Variants in KDM6A observed in about 807,000 individuals in gnomAD.
KDM6A encodes lysine demethylase 6A.
In KDM6A, 11 loss-of-function variants were observed where a neutral mutation model predicts 117.6. The observed-to-expected ratio is 0.09, with a 90% confidence interval of 0.06 to 0.15. The LOEUF (loss-of-function observed/expected upper bound fraction) is 0.15, where lower values mean the gene tolerates loss of function less well. Among genes scored for constraint, KDM6A ranks in the 10% least tolerant of loss-of-function variants. The pLI is 1.00. For missense variants in KDM6A, 799 were observed against 1,077.3 expected (o/e 0.74, Z 3.62); for synonymous variants, 384 against 396.1 (o/e 0.97, Z 0.36).
chrX:45,021,380 C>T (rs747124060), intron 6 of KDM6A, among the ~76,000 whole-genome samples: 1 of 111,195 alleles, frequency 9.0e-6, no homozygotes, highest in Non-Finnish European at 1.9e-5. Flanking sequence ...GCTTTCCTGC[C>T]CAACAGAGGA....
chrX:44,994,748 C>G (rs1002323399), intron 4 of KDM6A, among the ~76,000 whole-genome samples: 1 of 111,540 alleles, frequency 9.0e-6, no homozygotes, highest in Non-Finnish European at 1.9e-5. Flanking sequence ...CTTTCCCTGA[C>G]ACACCTGGCC....
chrX:45,050,168 C>T (rs1338548692), intron 8 of KDM6A, among the ~76,000 whole-genome samples: 3 of 112,726 alleles, frequency 2.7e-5, no homozygotes, highest in African/African-American at 6.4e-5. Flanking sequence ...GGAGAAACCC[C>T]ATTTCTACTA....
At position 44,910,979 on chromosome X, in the gene KDM6A, C is replaced by T. The variant is rs781383634; in HGVS notation, c.225+36992C>T. ...CTTTTCTATTCGACAAAACCGCCAT[C>T]GTCATCATGGCCCGTTCTCAATGAG... On this transcript the variant is annotated intron_variant, in intron 2 of 29. Coordinates refer to ENST00000611820, the MANE Select transcript of KDM6A (RefSeq NM_001291415.2). Among the ~76,000 whole-genome samples, 19 of 112,830 alleles carry T rather than the reference C, an allele frequency of 1.7e-4. No homozygotes were observed. The East Asian group carries it at 5.1e-3, about 30-fold the overall frequency.
chrX:44,907,544 G>C (rs777633055), intron 2 of KDM6A, among the ~76,000 whole-genome samples: 1 of 102,919 alleles, frequency 9.7e-6, no homozygotes, highest in Non-Finnish European at 2.0e-5. Context: ...GCAGTGGCGC[G>C]ATCCTGGCTC....
At chrX:45,035,333 TATCTG>T (rs1181707243) in intron 7 of KDM6A, among the ~76,000 whole-genome samples, 1 of 112,205 alleles carries the variant, frequency 8.9e-6, no homozygotes, top group Non-Finnish European at 1.9e-5. Context: ...TAAAGATTCT[TATCTG>T]ATAGCTTACT....
intron 17 of KDM6A, among the ~76,000 whole-genome samples, chrX:45,068,529 G>A (rs2044640365): frequency 2.0e-5 from 2 of 97,916 alleles, no homozygotes; most frequent in Admixed American, 1.1e-4. Context: ...CATTAGTGGA[G>A]ACTTAAAATG....
At chrX:44,926,505 A>G (rs758108903) in intron 2 of KDM6A, among the ~76,000 whole-genome samples, 18 of 111,467 alleles carry the variant, frequency 1.6e-4, no homozygotes, top group Non-Finnish European at 3.0e-4. Flanking sequence ...GGCTCCTTTC[A>G]GTCTTCTGTT....
intron 6 of KDM6A, 43 bp downstream of exon 6, chrX:45,020,773 G>C (rs943788923): frequency 8.5e-7 from 1 of 1,182,550 alleles, no homozygotes; most frequent in African/African-American, 1.8e-5. Flanking sequence ...TTAATTTTGT[G>C]GTTTTTTTGT....
chrX:45,041,101 G>A (rs1216880765), intron 8 of KDM6A, among the ~76,000 whole-genome samples: 17 of 71,736 alleles, frequency 2.4e-4, no homozygotes, highest in Non-Finnish European at 3.9e-4. Flanking sequence ...CCTCCCGGAC[G>A]GGGTGGCTGG....
At chrX:44,918,194 T>C (rs1330302876) in intron 2 of KDM6A, among the ~76,000 whole-genome samples, 1 of 111,807 alleles carries the variant, frequency 8.9e-6, no homozygotes, top group Non-Finnish European at 1.9e-5. Flanking sequence ...AAATATAAAC[T>C]GAACTAAACC....
intron 6 of KDM6A, among the ~76,000 whole-genome samples, chrX:45,023,122 C>G: frequency 8.9e-6 from 1 of 112,058 alleles, no homozygotes; most frequent in South Asian, 3.7e-4. Context: ...TGCTCTTAGA[C>G]TAGTTATGCC....
chrX:45,027,950 C>G (rs1275262059), intron 6 of KDM6A, among the ~76,000 whole-genome samples: 3 of 110,149 alleles, frequency 2.7e-5, no homozygotes, highest in Non-Finnish European at 5.7e-5. Context: ...CATGCCACCA[C>G]GCCCGGCTAA....
intron 6 of KDM6A, among the ~76,000 whole-genome samples, chrX:45,021,135 G>A (rs1330561960): frequency 9.0e-6 from 1 of 111,069 alleles, no homozygotes; most frequent in Non-Finnish European, 1.9e-5. Context: ...ATGGGTCTCA[G>A]TACTTCTACC....
At chrX:45,073,716 G>C (rs1181350518) in intron 18 of KDM6A, among the ~76,000 whole-genome samples, 1 of 111,692 alleles carries the variant, frequency 9.0e-6, no homozygotes, top group Non-Finnish European at 1.9e-5. Flanking sequence ...TTTTGGATGG[G>C]GTTGTTTGTT....
At chrX:44,913,758 A>G in intron 2 of KDM6A, among the ~76,000 whole-genome samples, 1 of 110,453 alleles carries the variant, frequency 9.1e-6, no homozygotes, top group Non-Finnish European at 1.9e-5. Flanking sequence ...ATATATATAT[A>G]TGTATACGCA....
intron 2 of KDM6A, among the ~76,000 whole-genome samples, chrX:44,910,543 G>A (rs865827915): frequency 8.1e-5 from 8 of 98,517 alleles, no homozygotes; most frequent in East Asian, 6.2e-4. Flanking sequence ...GGTGTTTCTC[G>A]CAGAGGGGGA....
At position 45,059,535 on chromosome X, in the gene KDM6A, G is replaced by A. The variant is rs190492255; in HGVS notation, c.1194+69G>A. ...CAGAACACTCAGGCAGAAGGAGGGT[G>A]GCTGGAAAGTTTGTCTAGTTGTGTT... On this transcript the variant is annotated intron_variant, in intron 12 of 29. Transcript: ENST00000611820. 1.3e-3 allele frequency: 1,060 copies of A among 792,358 alleles called. 13 individuals are homozygous for A. In the African/African-American group the frequency reaches 0.017, roughly 12 times the overall value. 65.3% of individuals were successfully genotyped at this position (792,358 alleles called of 1,213,427 possible).
intron 2 of KDM6A, among the ~76,000 whole-genome samples, chrX:44,874,924 C>G (rs1002272440): frequency 8.9e-6 from 1 of 112,113 alleles, no homozygotes; most frequent in Non-Finnish European, 1.9e-5. Flanking sequence ...TTATACCTTT[C>G]ATAAGCTTGG....
chrX:45,066,583 C>T (rs17147086), intron 17 of KDM6A, among the ~76,000 whole-genome samples: 18,989 of 111,063 alleles, frequency 0.17, 2,351 homozygotes, highest in African/African-American at 0.44. Flanking sequence ...AAGGATAACA[C>T]GAGATTTTTG....
Sources: allele counts gnomAD v4.1 joint callset (sites outside exome capture counted in the v4.1 genomes callset), GRCh38; gene constraint gnomAD v4.1.1; transcripts MANE v1.5; gene names NCBI Gene and HGNC (gene_info 2026-07-23, HGNC 2026-07-21).